The following IFT43 variants were observed in gnomAD, a reference collection of about 807,000 sequenced individuals.
IFT43 encodes the protein intraflagellar transport protein 43 homolog.
IFT43 carries 33 observed loss-of-function variants against 32.3 expected under a neutral mutation model. The ratio of observed to expected loss-of-function variants is 1.02; its 90% CI spans 0.77 to 1.37. The LOEUF (loss-of-function observed/expected upper bound fraction) is 1.37. Ranked by LOEUF, IFT43 falls within the 40% of genes most tolerant of loss-of-function variation. The pLI is 0.00. For missense variants in IFT43, 274 were observed against 265.9 expected (o/e 1.03, Z -0.21); for synonymous variants, 93 against 98.2 (o/e 0.95, Z 0.31).
At chr14:76,067,804 G>A (rs930746241) in intron 5 of IFT43, among the ~76,000 whole-genome samples, 2 of 152,332 alleles carry the variant, frequency 1.3e-5, no homozygotes, top group Admixed American at 1.3e-4. Context: ...ATAAAGGATG[G>A]TGGGGTCTGT....
At chr14:76,083,754 T>C (rs2037560167), downstream of IFT43, 2 of 717,894 alleles carry the variant, frequency 2.8e-6, no homozygotes, top group South Asian at 1.5e-5. Flanking sequence ...CTCCTCCATT[T>C]CTTTCCAGTC....
chr14:76,034,276 G>A (rs1394823099), intron 3 of IFT43, among the ~76,000 whole-genome samples: 1 of 152,090 alleles, frequency 6.6e-6, no homozygotes, highest in Non-Finnish European at 1.5e-5. Context: ...CATTTTCCTA[G>A]TTACGTCCTT....
chr14:76,070,392 T>C (rs901283672), intron 5 of IFT43, among the ~76,000 whole-genome samples: 11 of 152,196 alleles, frequency 7.2e-5, no homozygotes, highest in Non-Finnish European at 1.3e-4. Context: ...AGAGAGAAAG[T>C]AGAAAGAATT....
chr14:76,036,454 A>G (rs1340383551), intron 3 of IFT43, among the ~76,000 whole-genome samples: 9 of 126,576 alleles, frequency 7.1e-5, no homozygotes, highest in Non-Finnish European at 6.3e-5. Context: ...TGCCCAGCCT[A>G]TAATGCAGTG....
chr14:76,083,446 C>A lies in IFT43; in HGVS notation c.508-12C>A. ...CTTTCTTTGTCTTACCCAGCGAAAC[C>A]CTTCTTGGCAGGATGATGTCGGCTG... is the stretch of plus-strand genomic sequence containing the variant. On this transcript the variant is annotated splice_polypyrimidine_tract_variant and intron_variant, in intron 8 of 8. Coordinates refer to ENST00000314067, the MANE Select transcript of IFT43 (RefSeq NM_001102564.3). The A allele has an allele frequency of 6.2e-7, 1 of 1,614,142 alleles. No individual in the cohort carries two copies. Among genetic ancestry groups the A allele is most frequent in the South Asian group, 1.1e-5 (1 of 91,080 alleles).
intron 2 of IFT43, among the ~76,000 whole-genome samples, chr14:76,011,105 T>A (rs953082095): frequency 2.6e-5 from 4 of 152,064 alleles, no homozygotes; most frequent in African/African-American, 7.2e-5. Flanking sequence ...AGATGGGGTC[T>A]CACTTTGTTG....
chr14:76,068,505 G>T (rs2037265662), intron 5 of IFT43, among the ~76,000 whole-genome samples: 1 of 152,198 alleles, frequency 6.6e-6, no homozygotes, highest in Non-Finnish European at 1.5e-5. Context: ...GGGAAGTGGG[G>T]ATTCATGATT....
At chr14:76,057,811 A>T (rs891578537) in intron 3 of IFT43, among the ~76,000 whole-genome samples, 1 of 152,232 alleles carries the variant, frequency 6.6e-6, no homozygotes. Context: ...ATGATGACAG[A>T]ATAGTGGAAG....
chr14:76,057,067 GTTGTTACACCCT>G (rs1433561277), intron 3 of IFT43, among the ~76,000 whole-genome samples: 1 of 152,032 alleles, frequency 6.6e-6, no homozygotes, highest in Non-Finnish European at 1.5e-5. Flanking sequence ...TTCCCTTAGA[GTTGTTACACCCT>G]GTTCTTCCAG....
At position 76,027,378 on chromosome 14, in the gene IFT43, G is replaced by A. The variant is rs117013432; in HGVS notation, c.215+4984G>A. 1.4e-3 allele frequency among the ~76,000 whole-genome samples: 194 copies of A among 135,672 alleles called. 1 individual carries two copies. The highest frequency in any genetic ancestry group is 3.6e-3 in the Middle Eastern group (1 of 274). The allele number at this position is 135,672 out of a possible 152,430, so 89.0% of individuals were successfully genotyped here. Reference sequence around the variant, plus strand: ...TTCCCAAACCTGAAAATAAGTTGTAGATGTCATGACATTTCACCCCTAAAT... The same window carrying A: ...TTCCCAAACCTGAAAATAAGTTGTAAATGTCATGACATTTCACCCCTAAAT... On this transcript the variant is annotated intron_variant, in intron 3 of 8. Coordinates refer to ENST00000314067, the MANE Select transcript of IFT43 (RefSeq NM_001102564.3).
intron 2 of IFT43, among the ~76,000 whole-genome samples, chr14:76,006,349 TC>T (rs1457383603): frequency 6.6e-6 from 1 of 152,198 alleles, no homozygotes; most frequent in Non-Finnish European, 1.5e-5. Context: ...AAGTGACTGT[TC>T]CTAGGTCCTG....
At chr14:76,009,172 G>A (rs976858063) in intron 2 of IFT43, among the ~76,000 whole-genome samples, 3 of 152,188 alleles carry the variant, frequency 2.0e-5, no homozygotes, top group Non-Finnish European at 4.4e-5. Context: ...TTAGCCGCTA[G>A]GCAATCATGT....
intron 3 of IFT43, among the ~76,000 whole-genome samples, chr14:76,029,276 T>A (rs917361364): frequency 4.6e-5 from 7 of 152,250 alleles, no homozygotes; most frequent in African/African-American, 1.4e-4. Flanking sequence ...TTGAGAAGTG[T>A]CTGTTCATGG....
At chr14:76,076,384 A>G (rs1480114909) in intron 5 of IFT43, among the ~76,000 whole-genome samples, 1 of 152,206 alleles carries the variant, frequency 6.6e-6, no homozygotes, top group Non-Finnish European at 1.5e-5. Flanking sequence ...TCCCCAACCA[A>G]GAAAATTAGC....
At chr14:75,998,573 C>A (rs554252998) in intron 2 of IFT43, among the ~76,000 whole-genome samples, 1 of 152,222 alleles carries the variant, frequency 6.6e-6, no homozygotes, top group South Asian at 2.1e-4. Flanking sequence ...AAACCAAGCA[C>A]CTATGGTGTC....
chr14:76,077,885 C>G (rs2140092129), intron 5 of IFT43, among the ~76,000 whole-genome samples: 1 of 152,342 alleles, frequency 6.6e-6, no homozygotes, highest in South Asian at 2.1e-4. Context: ...TTCAGCTGCC[C>G]TGTCCTCAAT....
chr14:76,035,259 ACTC>A (rs1216536791), intron 3 of IFT43, among the ~76,000 whole-genome samples: 1 of 151,478 alleles, frequency 6.6e-6, no homozygotes, highest in Non-Finnish European at 1.5e-5. Context: ...CTTTCTAACA[ACTC>A]CTCCTGACAA....
intron 5 of IFT43, among the ~76,000 whole-genome samples, chr14:76,078,160 C>T (rs1476544487): frequency 2.0e-5 from 3 of 152,134 alleles, no homozygotes; most frequent in African/African-American, 4.8e-5. Flanking sequence ...GTGTTATTTG[C>T]GAATTCTTTT....
chr14:75,999,282 T>TATATATATATATATATATATATA (rs1491301918), intron 2 of IFT43, among the ~76,000 whole-genome samples: 1 of 26,548 alleles, frequency 3.8e-5, no homozygotes, highest in Non-Finnish European at 6.5e-5. Flanking sequence ...TGTATATATA[T>TATATATATATATATATATATATA]TTTTTTTTTT....
Sources: gnomAD v4.1 joint callset for allele counts (sites outside exome capture counted in the v4.1 genomes callset) on GRCh38, gnomAD v4.1.1 for gene constraint, MANE v1.5 for transcripts, NCBI Gene and HGNC (gene_info 2026-07-23, HGNC 2026-07-21) for gene names.